The following CAMK2A variants were observed in gnomAD, a reference collection of about 807,000 sequenced individuals.
CAMK2A encodes the protein calcium/calmodulin dependent protein kinase II alpha.
CAMK2A carries 7 observed loss-of-function variants against 79.2 expected under a neutral mutation model. That is an observed-to-expected ratio of 0.09 (90% CI 0.05 to 0.17). CAMK2A has a LOEUF of 0.17. Among genes scored for constraint, CAMK2A ranks in the 10% least tolerant of loss-of-function variants. The pLI is 1.00. For missense variants in CAMK2A, 214 were observed against 646.4 expected, an observed-to-expected ratio of 0.33 and a Z score of 7.25; for synonymous variants, 242 against 251.7, an observed-to-expected ratio of 0.96 and a Z score of 0.36.
chr5:150,233,108 G>A (rs59166152), intron 15 of CAMK2A, among the ~76,000 whole-genome samples: 2,779 of 152,254 alleles, frequency 0.018, 86 homozygotes, highest in African/African-American at 0.062. Context: ...TGCTCACTGC[G>A]TCCTGGAGCC....
In CAMK2A at chr5:150,219,790, C is replaced by G. The variant is rs1206805757; in HGVS notation, c.*2920G>C. ...GGATTCGCACCATGGTGGGCACAAA[C>G]CCAGGAGAACACTTTCCTGTAAACG... On this transcript the variant is annotated 3_prime_UTR_variant, in exon 19 of 19. Transcript: ENST00000671881. 2 of 152,344 alleles carry G rather than the reference C, an allele frequency of 1.3e-5. No individual in the cohort carries two copies. The highest frequency in any genetic ancestry group is 2.9e-5 in the Non-Finnish European group (2 of 67,994). The allele number at this position is 152,344 out of a possible 1,614,324, so 9.4% of individuals were successfully genotyped here.
chr5:150,278,547 C>T (rs1349590594), intron 1 of CAMK2A, among the ~76,000 whole-genome samples: 2 of 151,978 alleles, frequency 1.3e-5, no homozygotes, highest in Non-Finnish European at 2.9e-5. Context: ...CAGGACAGGG[C>T]AGGAGAGGCA....
At chr5:150,263,480 C>A (rs549415151) in intron 3 of CAMK2A, among the ~76,000 whole-genome samples, 1 of 150,802 alleles carries the variant, frequency 6.6e-6, no homozygotes, top group Admixed American at 6.6e-5. Context: ...TCCACACACT[C>A]TCACATACAC....
intron 3 of CAMK2A, among the ~76,000 whole-genome samples, chr5:150,259,441 G>C (rs1021376395): frequency 3.3e-5 from 5 of 152,038 alleles, no homozygotes; most frequent in African/African-American, 1.2e-4. Flanking sequence ...AGGGTTGTTT[G>C]AGCCCAGGGG....
chr5:150,250,510 C>G (rs1419044879), intron 10 of CAMK2A, among the ~76,000 whole-genome samples, 178 bp downstream of exon 10: 1 of 152,178 alleles, frequency 6.6e-6, no homozygotes, highest in Non-Finnish European at 1.5e-5. Flanking sequence ...CAGTTGTATG[C>G]CAACCCAGAA....
chr5:150,274,134 G>A (rs141752985), intron 1 of CAMK2A, among the ~76,000 whole-genome samples: 14 of 152,334 alleles, frequency 9.2e-5, no homozygotes, highest in South Asian at 2.1e-4. Context: ...GTGGAAAATG[G>A]CAATTTGCTG....
At chr5:150,224,678 G>A (rs971571049) in intron 17 of CAMK2A, among the ~76,000 whole-genome samples, 10 of 151,958 alleles carry the variant, frequency 6.6e-5, no homozygotes, top group African/African-American at 2.4e-4. Context: ...GACCTCAGAG[G>A]TCAGAGGTCA....
chr5:150,264,254 G>A (rs955957900), intron 3 of CAMK2A, among the ~76,000 whole-genome samples: 2 of 152,146 alleles, frequency 1.3e-5, no homozygotes, highest in African/African-American at 4.8e-5. Context: ...AGAGGATGGG[G>A]GGAAGTGATT....
intron 7 of CAMK2A, among the ~76,000 whole-genome samples, chr5:150,252,675 A>T (rs1358657140): frequency 1.3e-5 from 2 of 152,224 alleles, no homozygotes; most frequent in Non-Finnish European, 2.9e-5. Context: ...GAGGTATTCT[A>T]ACAAGCACTT....
At chr5:150,274,206 G>C (rs1347271386) in intron 1 of CAMK2A, among the ~76,000 whole-genome samples, 1 of 152,184 alleles carries the variant, frequency 6.6e-6, no homozygotes, top group Non-Finnish European at 1.5e-5. Context: ...GTGTTAAGAG[G>C]CTCTTGGGAT....
At chr5:150,239,580 G>T in intron 14 of CAMK2A, 124 bp downstream of exon 14, 1 of 836,874 alleles carries the variant, frequency 1.2e-6, no homozygotes, top group Non-Finnish European at 2.1e-6. Flanking sequence ...CAAGGCACAC[G>T]TACCAAGCAC....
At position 150,220,944 on chromosome 5, in the gene CAMK2A, C is replaced by G. The variant is rs1397237179; in HGVS notation, c.*1766G>C. 6.6e-6 allele frequency: 1 copy of G among 152,488 alleles called. No individual in the cohort carries two copies. The highest frequency in any genetic ancestry group is 6.5e-5 in the Admixed American group (1 of 15,288). 9.4% of individuals were successfully genotyped at this position (152,488 alleles called of 1,614,324 possible). A position where few individuals can be genotyped will look rare whatever the true frequency, so the allele number is the denominator to read the frequency against. On this transcript the variant is annotated 3_prime_UTR_variant, in exon 19 of 19. Transcript: ENST00000671881. ...CTCACCAGTTCTGCTCCAACCAACA[C>G]CCAGGAGGGTCGAGGGTACCGGAGC...
chr5:150,264,474 G>T (rs1347131159), intron 3 of CAMK2A, among the ~76,000 whole-genome samples: 3 of 152,236 alleles, frequency 2.0e-5, no homozygotes, highest in Non-Finnish European at 4.4e-5. Context: ...CTCTGTCCCA[G>T]CCTGCCATGG....
chr5:150,238,507 A>T (rs575494714), intron 15 of CAMK2A, 193 bp downstream of exon 15: 1 of 695,286 alleles, frequency 1.4e-6, no homozygotes, highest in Non-Finnish European at 2.7e-6. Context: ...CACCAGCAGT[A>T]GTTCCAGTAC....
At chr5:150,224,220 A>G (rs1377766005) in intron 17 of CAMK2A, among the ~76,000 whole-genome samples, 1 of 152,210 alleles carries the variant, frequency 6.6e-6, no homozygotes, top group Non-Finnish European at 1.5e-5. Flanking sequence ...ATGAAAGCAT[A>G]GAAAGACAAT....
chr5:150,263,350 A>G (rs1297526642), intron 3 of CAMK2A, among the ~76,000 whole-genome samples: 1 of 152,120 alleles, frequency 6.6e-6, no homozygotes, highest in Non-Finnish European at 1.5e-5. Flanking sequence ...ACACATTCAC[A>G]CATTCACACA....
At chr5:150,282,537 A>C (rs1757258503) in intron 1 of CAMK2A, among the ~76,000 whole-genome samples, 1 of 152,190 alleles carries the variant, frequency 6.6e-6, no homozygotes, top group African/African-American at 2.4e-5. Flanking sequence ...CCAAGCGTCA[A>C]AGAGAGAGAG....
Position 150,239,701 on chromosome 5 carries a change from C to T in CAMK2A, c.1017+3G>A. 1 of 1,613,922 alleles carries T rather than the reference C, an allele frequency of 6.2e-7. No individual in the cohort carries two copies. The highest frequency in any genetic ancestry group is 8.5e-7 in the Non-Finnish European group (1 of 1,179,816). On this transcript the variant is annotated splice_donor_region_variant and intron_variant, in intron 14 of 18. Coordinates refer to ENST00000671881, the MANE Select transcript of CAMK2A (RefSeq NM_015981.4). ...CCGGCGTTAGGAGACGGCAGACACT[C>T]ACCATTAACTGAACGCTGGAACTGG...
intron 3 of CAMK2A, 144 bp downstream of exon 3, chr5:150,264,812 A>T: frequency 1.5e-6 from 1 of 660,974 alleles, no homozygotes. Context: ...ACCATTAAAG[A>T]CGCCCCCTTT....
Sources: allele counts gnomAD v4.1 joint callset (sites outside exome capture counted in the v4.1 genomes callset), GRCh38; gene constraint gnomAD v4.1.1; transcripts MANE v1.5; gene names NCBI Gene and HGNC (gene_info 2026-07-23, HGNC 2026-07-21).